CYP4V2: variants seen among roughly 807,000 people sequenced by gnomAD.
CYP4V2 encodes cytochrome P450 4V2.
Under a neutral mutation model 60.8 loss-of-function variants are expected in CYP4V2, and 55 were observed. The observed-to-expected ratio is 0.90, with a 90% CI of 0.73 to 1.13. CYP4V2 has a LOEUF of 1.13. Among genes scored for constraint, CYP4V2 ranks in the 50% most tolerant of loss-of-function variants. The probability of loss-of-function intolerance (pLI) is 0.00; values close to 1 mark genes in which losing one functional copy is unlikely to be tolerated. For missense variants in CYP4V2, 675 were observed against 662.9 expected, an observed-to-expected ratio of 1.02 and a Z score of -0.20; for synonymous variants, 239 against 236.8, an observed-to-expected ratio of 1.01 and a Z score of -0.08.
chr4:186,208,973 G>T lies in CYP4V2; in HGVS notation c.1199G>T (p.Arg400Leu), dbSNP rs199476203. 6.2e-7 allele frequency: 1 copy of T among 1,614,140 alleles called. No individual in the cohort carries two copies. The highest frequency in any genetic ancestry group is 2.2e-5 in the East Asian group (1 of 44,882). ...RLFPSVPLFA[R>L]SVSEDCEVAG... ...TTTCCTTCTGTTCCTTTATTTGCCC[G>T]TAGTGTTAGTGAAGATTGTGAAGTG... The change falls in exon 9 of 11, where the codon CGT becomes CTT. Residue 400 changes from arginine (R) to leucine (L), a missense_variant. Transcript: ENST00000378802.
intron 8 of CYP4V2, among the ~76,000 whole-genome samples, chr4:186,206,447 T>C (rs1348562588): frequency 6.6e-6 from 1 of 152,178 alleles, no homozygotes; most frequent in Non-Finnish European, 1.5e-5. Context: ...CTTCCATAGA[T>C]TTTATCCTTG....
At chr4:186,194,947 A>G (rs1351334898) in intron 2 of CYP4V2, among the ~76,000 whole-genome samples, 1 of 152,224 alleles carries the variant, frequency 6.6e-6, no homozygotes, top group East Asian at 1.9e-4. Context: ...GACTTCAAAA[A>G]TATATGACTA....
chr4:186,196,000 A>G lies in CYP4V2; in HGVS notation c.328-3A>G, dbSNP rs1188599974. 4 of 1,603,904 alleles carry G rather than the reference A, an allele frequency of 2.5e-6. No homozygotes were observed. The highest frequency in any genetic ancestry group is 2.6e-6 in the Non-Finnish European group (3 of 1,171,020). ...CTCTAAAGTATGTTTTTCTCTTCCT[A>G]AGGTAATTTTAACTAGTTCAAAGCA... On this transcript the variant is annotated splice_polypyrimidine_tract_variant and splice_region_variant and intron_variant, in intron 2 of 10. Coordinates refer to ENST00000378802, the MANE Select transcript of CYP4V2 (RefSeq NM_207352.4). This position sits in a 1 kb window ranked among gnomAD's most constrained non-coding sequence, Gnocchi z 4.1.
intron 6 of CYP4V2, 47 bp from the exon 7 acceptor site, chr4:186,201,110 C>A (rs1208483260): frequency 6.4e-7 from 1 of 1,573,690 alleles, no homozygotes; most frequent in Non-Finnish European, 8.7e-7. Context: ...AACTAGGGTG[C>A]ATCCAAGTCC....
Position 186,209,079 on chromosome 4 carries a change from C to T in CYP4V2, c.1226-14C>T, listed in dbSNP as rs1438044682. 2.5e-6 allele frequency: 4 copies of T among 1,614,150 alleles called. No homozygotes were observed. Among genetic ancestry groups the T allele is most frequent in the Admixed American group, 3.3e-5 (2 of 60,020 alleles). ...TTGCTCCGGTCTCATAATGTATTGA[C>T]TACTTCTTGACAGCAGGTTACAGAG... On this transcript the variant is annotated splice_polypyrimidine_tract_variant and intron_variant, in intron 9 of 10. Transcript: ENST00000378802.
intron 3 of CYP4V2, chr4:186,196,731 A>G (rs1043506352): frequency 7.2e-6 from 4 of 557,786 alleles, no homozygotes; most frequent in Non-Finnish European, 1.3e-5. Context: ...CAAAATACTC[A>G]TATTTTGTAA....
At position 186,191,960 on chromosome 4, in the gene CYP4V2, A is replaced by G; in HGVS notation, c.137A>G (p.Gln46Arg). ...GCGAGCTACGCGCGGAAATGGCAGCAGATGCGGCCCATCCCCACGGTGGCC... is the reference window on the plus strand; with the variant it reads ...GCGAGCTACGCGCGGAAATGGCAGCGGATGCGGCCCATCCCCACGGTGGCC... Reference protein sequence around the residue: ...RVASYARKWQQMRPIPTVARA... With the variant: ...RVASYARKWQRMRPIPTVARA... The change falls in exon 1 of 11, where the codon CAG becomes CGG. Residue 46 changes from glutamine (Q) to arginine (R), a missense_variant. Physicochemically the swap from Gln to Arg is conservative, Grantham distance 43. Transcript: ENST00000378802. The G allele has an allele frequency of 6.3e-7, 1 of 1,587,896 alleles. No individual in the cohort carries two copies. Among genetic ancestry groups the G allele is most frequent in the Non-Finnish European group, 8.5e-7 (1 of 1,170,876 alleles).
chr4:186,203,972 G>A (rs1455638712), intron 7 of CYP4V2: 1 of 152,004 alleles, frequency 6.6e-6, no homozygotes, highest in East Asian at 1.9e-4. Context: ...GAAATAATTT[G>A]TTTTTTCTTT....
In CYP4V2 at chr4:186,191,663, C is replaced by CCGGGCGGGAAACGT. The variant is rs1735981930; in HGVS notation, c.-158_-145dup. The CCGGGCGGGAAACGT allele has an allele frequency of 9.8e-6, 6 of 610,158 alleles. No homozygotes were observed. In the Admixed American group the frequency reaches 1.9e-4, roughly 19 times the overall value. 37.8% of individuals were successfully genotyped at this position (610,158 alleles called of 1,614,324 possible). A position where few individuals can be genotyped will look rare whatever the true frequency, so the allele number is the denominator to read the frequency against. Reference sequence around the variant, plus strand: ...CCGTGGCGCCCTCTCTGGCCGCCGCCCGGGCGGGAAACGTCGTTCCGGGGA... The same window carrying CCGGGCGGGAAACGT: ...CCGTGGCGCCCTCTCTGGCCGCCGCCCGGGCGGGAAACGTCGGGCGGGAAACGTCGTTCCGGGGA... On this transcript the variant is annotated 5_prime_UTR_variant, in exon 1 of 11. Coordinates refer to ENST00000378802, the MANE Select transcript of CYP4V2 (RefSeq NM_207352.4).
intron 1 of CYP4V2, 27 bp downstream of exon 1, chr4:186,192,064 G>C: frequency 6.5e-7 from 1 of 1,549,616 alleles, no homozygotes. Flanking sequence ...CTCCTGGAGC[G>C]CAACGGGGTC....
chr4:186,192,498 A>T, intron 1 of CYP4V2: 4 of 318,996 alleles, frequency 1.3e-5, no homozygotes, highest in South Asian at 8.4e-5. Flanking sequence ...GCATCACAAG[A>T]CTTGACTGCT....
At position 186,212,875 on chromosome 4, in the gene CYP4V2, A is replaced by T. The variant is rs1259675463; in HGVS notation, c.*2234A>T. ...TGCCTACAACCCAGGCCCTAAGTTG[A>T]TGAAGAAAAAGTCAAGGAAGGAGGT... On this transcript the variant is annotated 3_prime_UTR_variant, in exon 11 of 11. Transcript: ENST00000378802. 6.6e-6 allele frequency: 1 copy of T among 152,222 alleles called. No individual in the cohort carries two copies. Among genetic ancestry groups the T allele is most frequent in the Non-Finnish European group, 1.5e-5 (1 of 68,032 alleles). 9.4% of individuals were successfully genotyped at this position (152,222 alleles called of 1,614,324 possible).
At position 186,192,964 on chromosome 4, in the gene CYP4V2, C is replaced by G. The variant is rs191012778; in HGVS notation, c.214+927C>G. Among the ~76,000 whole-genome samples the G allele has an allele frequency of 5.9e-5, 9 of 152,272 alleles. No individual in the cohort carries two copies. The East Asian group carries it at 1.7e-3, about 29-fold the overall frequency. The stretch of plus-strand genomic sequence containing the variant: ...ACTTTTTCTCATTTTCACTTGTTTT[C>G]TCTAATAAAAATAATGCTGTAATTT... On this transcript the variant is annotated intron_variant, in intron 1 of 10. Transcript: ENST00000378802.
Position 186,196,051 on chromosome 4 carries a change from T to G in CYP4V2, c.376T>G (p.Phe126Val), listed in dbSNP as rs1736138466. ...KQIDKSSMYK[F>V]LEPWLGLGLL... ...AATTGACAAATCCTCTATGTACAAG[T>G]TTTTAGAACCATGGCTTGGCCTAGG... Residue 126 changes from phenylalanine to valine, a missense_variant, in exon 3 of 11, where the codon TTT (phenylalanine) becomes GTT (valine). Phe to Val is a conservative substitution (Grantham distance 50). Transcript: ENST00000378802. 6.2e-7 allele frequency: 1 copy of G among 1,614,068 alleles called. No individual in the cohort carries two copies. Among genetic ancestry groups the G allele is most frequent in the Non-Finnish European group, 8.5e-7 (1 of 1,179,926 alleles).
In CYP4V2 at chr4:186,191,898, C is replaced by A; in HGVS notation, c.75C>A (p.Ala25=). The A allele has an allele frequency of 6.3e-7, 1 of 1,591,712 alleles. No homozygotes were observed. Among genetic ancestry groups the A allele is most frequent in the Middle Eastern group, 1.7e-4 (1 of 5,844 alleles). The change falls in exon 1 of 11, where the codon GCC becomes GCA. Residue 25 remains alanine, a synonymous_variant. Coordinates refer to ENST00000378802, the MANE Select transcript of CYP4V2 (RefSeq NM_207352.4). The part of the protein sequence containing the change: ...LWGAASALSL[A]GASLVLSLLQ... The stretch of plus-strand genomic sequence containing the variant: ...GCGCGGCGAGTGCCCTTTCCCTGGC[C>A]GGCGCCAGTCTGGTCCTGAGCCTGC...
At position 186,195,993 on chromosome 4, in the gene CYP4V2, T is replaced by C. The variant is rs375857768; in HGVS notation, c.328-10T>C. 12 of 1,594,412 alleles carry C rather than the reference T, an allele frequency of 7.5e-6. No individual in the cohort carries two copies. The highest frequency in any genetic ancestry group is 1.0e-5 in the Non-Finnish European group (12 of 1,162,448). ...TGTATGTCTCTAAAGTATGTTTTTCTCTTCCTAAGGTAATTTTAACTAGTT... is the reference window on the plus strand; with the variant it reads ...TGTATGTCTCTAAAGTATGTTTTTCCCTTCCTAAGGTAATTTTAACTAGTT... On this transcript the variant is annotated splice_polypyrimidine_tract_variant and intron_variant, in intron 2 of 10. Transcript: ENST00000378802. This position sits in a 1 kb window ranked among gnomAD's most constrained non-coding sequence, Gnocchi z 4.1.
intron 1 of CYP4V2, among the ~76,000 whole-genome samples, chr4:186,194,036 G>A (rs1008785782): frequency 3.3e-5 from 5 of 152,150 alleles, no homozygotes; most frequent in Non-Finnish European, 7.3e-5. Context: ...TTTGCATGAC[G>A]CAGGATGATT....
At chr4:186,201,000 G>A (rs1377118931) in intron 6 of CYP4V2, among the ~76,000 whole-genome samples, 157 bp from the exon 7 acceptor site, 1 of 152,036 alleles carries the variant, frequency 6.6e-6, no homozygotes, top group East Asian at 1.9e-4. Context: ...TATTAATGAG[G>A]CTTTACTGTA....
chr4:186,210,845 T>C lies in CYP4V2; in HGVS notation c.*204T>C, dbSNP rs577711483. 1.2e-3 allele frequency: 754 copies of C among 632,842 alleles called. 2 individuals are homozygous for C. The highest frequency in any genetic ancestry group is 1.8e-3 in the Non-Finnish European group (676 of 385,982). 39.2% of individuals were successfully genotyped at this position (632,842 alleles called of 1,614,324 possible). A position where few individuals can be genotyped will look rare whatever the true frequency, so the allele number is the denominator to read the frequency against. ...TCTTTTTTCTTTTTTCTTTATTTTT[T>C]TTTTTTGAAACCGTGTCTCACTCTG... is the stretch of plus-strand genomic sequence containing the variant. On this transcript the variant is annotated 3_prime_UTR_variant, in exon 11 of 11. Coordinates refer to ENST00000378802, the MANE Select transcript of CYP4V2 (RefSeq NM_207352.4).
Sources: gnomAD v4.1 joint callset for allele counts (sites outside exome capture counted in the v4.1 genomes callset) on GRCh38, gnomAD v4.1.1 for gene constraint, Gnocchi (gnomAD v3.1) non-coding constraint, MANE v1.5 for transcripts, NCBI Gene and HGNC (gene_info 2026-07-23, HGNC 2026-07-21) for gene names.